SPHKAP: variants seen among roughly 807,000 people sequenced by gnomAD.
SPHKAP encodes SPHK1 interactor, AKAP domain containing.
SPHKAP carries 67 observed loss-of-function variants against 137.5 expected under a neutral mutation model. The ratio of observed to expected loss-of-function variants is 0.49; its 90% CI spans 0.40 to 0.60. The LOEUF (loss-of-function observed/expected upper bound fraction) is 0.60, where lower values mean the gene tolerates loss of function less well. Among genes scored for constraint, SPHKAP ranks in the 20% least tolerant of loss-of-function variants. The pLI is 0.00. For missense variants in SPHKAP, 2,097 were observed against 2,069.3 expected, an observed-to-expected ratio of 1.01 and a Z score of -0.26; for synonymous variants, 813 against 785.3, an observed-to-expected ratio of 1.04 and a Z score of -0.59.
chr2:228,042,153 C>T (rs554744132), intron 3 of SPHKAP, among the ~76,000 whole-genome samples: 1 of 152,274 alleles, frequency 6.6e-6, no homozygotes, highest in African/African-American at 2.4e-5. Flanking sequence ...TGGCTTACTC[C>T]TGGAAGGAGC....
In SPHKAP at chr2:228,017,213, C is replaced by T. The variant is rs780995075; in HGVS notation, c.3641G>A (p.Arg1214Gln). 1.2e-5 allele frequency: 20 copies of T among 1,613,948 alleles called. No individual in the cohort carries two copies. In the Admixed American group the frequency reaches 1.7e-4, roughly 13 times the overall value. Reference sequence around the variant, plus strand: ...GCCGGCTGTCCAATCCTGGCTGCTCCGTCTGGAGGAGGCACTTTCTCTGCT... The same window carrying T: ...GCCGGCTGTCCAATCCTGGCTGCTCTGTCTGGAGGAGGCACTTTCTCTGCT... Reference protein sequence around the residue: ...RDSRESASSRRSSQDWTAGLL... With the variant: ...RDSRESASSRQSSQDWTAGLL... Residue 1214 changes from arginine (R) to glutamine (Q), a missense_variant, in exon 7 of 12, where the codon CGG becomes CAG. Coordinates refer to ENST00000392056, the MANE Select transcript of SPHKAP (RefSeq NM_001142644.2).
At chr2:228,166,252 A>G (rs375540263) in intron 1 of SPHKAP, among the ~76,000 whole-genome samples, 1 of 152,202 alleles carries the variant, frequency 6.6e-6, no homozygotes, top group East Asian at 1.9e-4. Flanking sequence ...TCAACACCTA[A>G]TTCATTGTTT....
At position 228,031,901 on chromosome 2, in the gene SPHKAP, G is replaced by C. The variant is rs144382822; in HGVS notation, c.247-4358C>G. ...CCTTCTGTACATCACCATTATCAAA[G>C]ACCAAAAGTAGATAAAGCCACAAAG... On this transcript the variant is annotated intron_variant, in intron 3 of 11. Transcript: ENST00000392056. Among the ~76,000 whole-genome samples the C allele has an allele frequency of 8.4e-3, 1,274 of 152,200 alleles. 10 individuals are homozygous for C. Among genetic ancestry groups the C allele is most frequent in the African/African-American group, 0.025 (1,051 of 41,516 alleles).
chr2:228,052,123 A>G (rs1696276687), intron 3 of SPHKAP, among the ~76,000 whole-genome samples: 1 of 152,168 alleles, frequency 6.6e-6, no homozygotes, highest in Non-Finnish European at 1.5e-5. Flanking sequence ...ATGAGAGCCA[A>G]AAATGTAAAA....
intron 1 of SPHKAP, among the ~76,000 whole-genome samples, chr2:228,180,365 T>C (rs1250416743): frequency 3.3e-5 from 5 of 152,068 alleles, no homozygotes; most frequent in Non-Finnish European, 7.4e-5. Context: ...AAGCAGTCTC[T>C]CTCCTCCTCC....
chr2:228,146,793 C>G (rs1158384070), intron 1 of SPHKAP, among the ~76,000 whole-genome samples: 1 of 152,320 alleles, frequency 6.6e-6, no homozygotes, highest in East Asian at 1.9e-4. Flanking sequence ...TTTTCTTTAA[C>G]CAATCTGTCA....
chr2:228,158,505 A>G (rs1383796703), intron 1 of SPHKAP, among the ~76,000 whole-genome samples: 1 of 152,022 alleles, frequency 6.6e-6, no homozygotes, highest in Non-Finnish European at 1.5e-5. Context: ...GAGACACTGA[A>G]TTCTCTGGCC....
At chr2:228,079,101 G>T (rs970172312) in intron 3 of SPHKAP, among the ~76,000 whole-genome samples, 4 of 152,204 alleles carry the variant, frequency 2.6e-5, no homozygotes, top group Admixed American at 2.6e-4. Flanking sequence ...AGGTCAAGGG[G>T]AGGTGGGGCT....
chr2:228,173,406 A>C (rs969206977), intron 1 of SPHKAP, among the ~76,000 whole-genome samples: 13 of 152,328 alleles, frequency 8.5e-5, no homozygotes, highest in African/African-American at 3.1e-4. Context: ...GATGGAATTA[A>C]GTTTACTAGC....
Position 228,016,406 on chromosome 2 carries a change from C to G in SPHKAP, c.4448G>C (p.Ser1483Thr). The G allele has an allele frequency of 1.3e-6, 2 of 1,584,268 alleles. No homozygotes were observed. The highest frequency in any genetic ancestry group is 1.7e-6 in the Non-Finnish European group (2 of 1,168,562). Residue 1483 changes from serine (S) to threonine (T), a missense_variant and splice_region_variant, in exon 7 of 12, where the codon AGT becomes ACT. Physicochemically the swap from Ser to Thr is moderately conservative, Grantham distance 58. Coordinates refer to ENST00000392056, the MANE Select transcript of SPHKAP (RefSeq NM_001142644.2). ...ATGTAGTCTGAGACGATTCACTCACCTATGGATTTGACAAGCGCTCACGGC... is the reference window on the plus strand; with the variant it reads ...ATGTAGTCTGAGACGATTCACTCACGTATGGATTTGACAAGCGCTCACGGC... ...DTAVSACQIH[S>T]DSLDTRDVPE...
intron 3 of SPHKAP, among the ~76,000 whole-genome samples, chr2:228,073,158 T>C (rs1381157745): frequency 6.6e-6 from 1 of 152,212 alleles, no homozygotes; most frequent in East Asian, 1.9e-4. Flanking sequence ...GCAGAATAAT[T>C]GACCCCAAAT....
chr2:228,015,648 A>C (rs1694552591), intron 7 of SPHKAP, among the ~76,000 whole-genome samples: 1 of 152,206 alleles, frequency 6.6e-6, no homozygotes, highest in East Asian at 1.9e-4. Context: ...TGGATTGTCA[A>C]CTATGTCATA....
At chr2:228,107,369 T>C (rs905871643) in intron 3 of SPHKAP, among the ~76,000 whole-genome samples, 2 of 152,296 alleles carry the variant, frequency 1.3e-5, no homozygotes, top group African/African-American at 4.8e-5. Flanking sequence ...AGCAAATGAA[T>C]CTTCCAATAT....
chr2:228,012,344 C>G (rs1694419955), intron 7 of SPHKAP, among the ~76,000 whole-genome samples: 1 of 151,960 alleles, frequency 6.6e-6, no homozygotes, highest in African/African-American at 2.4e-5. Context: ...TATACTTAAT[C>G]CAGGATTTCT....
intron 2 of SPHKAP, among the ~76,000 whole-genome samples, chr2:228,125,786 G>T (rs1699058612): frequency 6.6e-6 from 1 of 152,140 alleles, no homozygotes; most frequent in Admixed American, 6.6e-5. Flanking sequence ...TTATAAAAAG[G>T]AGTGGTTGGG....
intron 11 of SPHKAP, 80 bp downstream of exon 11, chr2:227,990,920 G>T: frequency 2.2e-6 from 3 of 1,381,490 alleles, no homozygotes; most frequent in Non-Finnish European, 3.0e-6. Flanking sequence ...AATGGACAGG[G>T]GTTTACTGAG....
intron 3 of SPHKAP, among the ~76,000 whole-genome samples, chr2:228,073,144 A>G (rs1394710137): frequency 2.0e-5 from 3 of 152,242 alleles, no homozygotes; most frequent in Non-Finnish European, 2.9e-5. Flanking sequence ...ATTAGCTGAG[A>G]GGGGCAGAAT....
chr2:227,996,194 G>A (rs1181082409), intron 7 of SPHKAP: 3 of 899,874 alleles, frequency 3.3e-6, no homozygotes, highest in African/African-American at 1.8e-5. Context: ...AAAGCAAGAC[G>A]CCTCTATATT....
At chr2:228,100,950 A>G (rs1698167121) in intron 3 of SPHKAP, among the ~76,000 whole-genome samples, 1 of 152,074 alleles carries the variant, frequency 6.6e-6, no homozygotes, top group South Asian at 2.1e-4. Context: ...TACCTCTGAG[A>G]GAATGGCCAA....
Sources: gnomAD v4.1 joint callset for allele counts (sites outside exome capture counted in the v4.1 genomes callset) on GRCh38, gnomAD v4.1.1 for gene constraint, MANE v1.5 for transcripts, NCBI Gene and HGNC (gene_info 2026-07-23, HGNC 2026-07-21) for gene names.